Variants in BSG observed in about 807,000 individuals in gnomAD.
The protein encoded by BSG is basigin.
A neutral mutation model predicts 43.1 loss-of-function variants in BSG; 37 were observed. The ratio of observed to expected loss-of-function variants is 0.86; its 90% CI spans 0.66 to 1.13. BSG has a LOEUF of 1.13. BSG is among the 50% of genes most tolerant of loss of function. The pLI is 0.00. For missense variants in BSG, 599 were observed against 554.2 expected (o/e 1.08, Z -0.81); for synonymous variants, 309 against 238.7 (o/e 1.29, Z -2.72).
upstream of BSG, chr19:571,574 A>T: frequency 1.3e-6 from 1 of 779,592 alleles, no homozygotes; most frequent in South Asian, 1.3e-5. Flanking sequence ...CGTCTCCCCA[A>T]GAAAGGTAAC....
At chr19:578,762 T>C in intron 2 of BSG, 1 of 259,222 alleles carries the variant, frequency 3.9e-6, no homozygotes, top group Non-Finnish European at 7.7e-6. Context: ...GGAGATGGAG[T>C]CTTGCTGTTC....
chr19:572,965 C>CG (rs1981407094), intron 1 of BSG, among the ~76,000 whole-genome samples: 1 of 151,976 alleles, frequency 6.6e-6, no homozygotes, highest in Non-Finnish European at 1.5e-5. Context: ...TGTGTGTGGG[C>CG]GTGAAGCTCC....
At chr19:580,502 C>T (rs753413649) in intron 4 of BSG, 41 bp downstream of exon 4, 33 of 1,607,072 alleles carry the variant, frequency 2.1e-5, no homozygotes, top group Admixed American at 1.3e-4. Context: ...CACCGACTGT[C>T]GGGAGAAGTT....
upstream of BSG, chr19:571,673 A>T: frequency 2.7e-6 from 2 of 754,062 alleles, no homozygotes; most frequent in Non-Finnish European, 4.9e-6. Flanking sequence ...GCACTTAGAA[A>T]ATTTCTCAGC....
intron 3 of BSG, chr19:579,953 C>G: frequency 2.2e-6 from 1 of 458,056 alleles, no homozygotes; most frequent in East Asian, 4.0e-5. Flanking sequence ...GCGGGCCTCC[C>G]AGGCTCTGTG....
Position 582,884 on chromosome 19 carries a change from TAA to T in BSG, c.*145_*146del. ...TCCCATCATACACTTCCTTCTTTTTTAAAAAAGTTGGGTTTTCTCCATTCAGG... is the reference window on the plus strand; with the variant it reads ...TCCCATCATACACTTCCTTCTTTTTTAAAAGTTGGGTTTTCTCCATTCAGG... On this transcript the variant is annotated 3_prime_UTR_variant, in exon 9 of 9. Coordinates refer to ENST00000333511, the MANE Select transcript of BSG (RefSeq NM_001728.4). 2.3e-6 allele frequency: 1 copy of T among 441,250 alleles called. No homozygotes were observed. Among genetic ancestry groups the T allele is most frequent in the Non-Finnish European group, 4.0e-6 (1 of 247,178 alleles). 27.3% of individuals were successfully genotyped at this position (441,250 alleles called of 1,614,324 possible). A position where few individuals can be genotyped will look rare whatever the true frequency, so the allele number is the denominator to read the frequency against.
At position 580,735 on chromosome 19, in the gene BSG, C is replaced by T. The variant is rs905001506; in HGVS notation, c.745C>T (p.Pro249Ser). ...GGTCTGCAAGTCAGAGTCCGTGCCA[C>T]CTGTCACTGACTGGGCCTGGTACAA... ...MLVCKSESVP[P>S]VTDWAWYKIT... The change falls in exon 5 of 9, where the codon CCT becomes TCT. Residue 249 changes from proline (P) to serine (S), a missense_variant. Coordinates refer to ENST00000333511, the MANE Select transcript of BSG (RefSeq NM_001728.4). 1 of 1,612,790 alleles carries T rather than the reference C, an allele frequency of 6.2e-7. No homozygotes were observed. The highest frequency in any genetic ancestry group is 8.5e-7 in the Non-Finnish European group (1 of 1,179,968).
chr19:578,126 G>GT lies in BSG; in HGVS notation c.415+6dup, dbSNP rs781561684. 1 of 1,545,668 alleles carries GT rather than the reference G, an allele frequency of 6.5e-7. No individual in the cohort carries two copies. Among genetic ancestry groups the GT allele is most frequent in the South Asian group, 1.2e-5 (1 of 83,302 alleles). On this transcript the variant is annotated splice_donor_region_variant and intron_variant, in intron 2 of 8. Coordinates refer to ENST00000333511, the MANE Select transcript of BSG (RefSeq NM_001728.4). ...CAGTCGTGCTAGTCCTGGAACGTGA[G>GT]TGGCGGGCACCTCCCTCCCCGCCTC...
rs779715741 is a variant in BSG, at chr19:579,502, G to C, written c.418G>C (p.Gly140Arg). The change falls in exon 3 of 9, where the codon GGC becomes CGC. Residue 140 changes from glycine to arginine, a missense_variant and splice_region_variant. Gly to Arg is a moderately radical substitution (Grantham distance 125). Transcript: ENST00000333511. ...AQAVVLVLEP[G>R]TVFTTVEDLG... ...CCGCGTCTCGCCGGGCCTTGCAGCC[G>C]GCACAGTCTTCACTACCGTAGAAGA... 4.3e-6 allele frequency: 7 copies of C among 1,612,566 alleles called. No individual in the cohort carries two copies. The East Asian group carries it at 1.3e-4, about 31-fold the overall frequency.
intron 1 of BSG, among the ~76,000 whole-genome samples, 187 bp from the exon 2 acceptor site, chr19:577,587 C>T (rs1282852500): frequency 1.3e-5 from 2 of 152,204 alleles, no homozygotes; most frequent in South Asian, 2.1e-4. Flanking sequence ...TAGCAGTGGA[C>T]GGGACGCCCA....
intron 3 of BSG, 56 bp downstream of exon 3, chr19:579,712 G>T (rs184596705): frequency 2.6e-6 from 4 of 1,555,120 alleles, no homozygotes; most frequent in East Asian, 4.5e-5. Context: ...CTCTCTTGCC[G>T]CCAGCGGCCT....
At chr19:579,370 A>T in intron 2 of BSG, 130 bp from the exon 3 acceptor site, 2 of 1,291,136 alleles carry the variant, frequency 1.5e-6, no homozygotes, top group Admixed American at 1.9e-5. Context: ...TCGGGGCGTA[A>T]GGGCCACGGT....
upstream of BSG, chr19:571,683 C>T: frequency 1.3e-6 from 1 of 741,164 alleles, no homozygotes; most frequent in Admixed American, 1.9e-5. Flanking sequence ...AATTTCTCAG[C>T]GAGACCACTT....
chr19:574,505 A>T (rs1600477516), intron 1 of BSG, among the ~76,000 whole-genome samples: 1 of 152,022 alleles, frequency 6.6e-6, no homozygotes, highest in East Asian at 1.9e-4. Context: ...GTGAGCCGAG[A>T]TCGCGCCATT....
In BSG at chr19:581,394, A is replaced by ACT. The variant is rs1166771890; in HGVS notation, c.873_874insTC (p.Met292SerfsTer75). On this transcript the variant is annotated frameshift_variant, in exon 6 of 9. Transcript: ENST00000333511. LOFTEE classifies it high-confidence loss of function. ...TCAGAGCTACACATTGAGAACCTGAACATGGAGGCCGACCCCGGCCAGTAC... is the reference window on the plus strand; with the variant it reads ...TCAGAGCTACACATTGAGAACCTGAACTCATGGAGGCCGACCCCGGCCAGTAC... 1 of 1,612,686 alleles carries ACT rather than the reference A, an allele frequency of 6.2e-7. No individual in the cohort carries two copies. The highest frequency in any genetic ancestry group is 2.2e-5 in the East Asian group (1 of 44,888).
rs780460340 is a variant in BSG, at chr19:572,638, G to A, written c.4G>A (p.Ala2Thr). The A allele has an allele frequency of 1.3e-6, 2 of 1,499,972 alleles. No individual in the cohort carries two copies. The highest frequency in any genetic ancestry group is 1.3e-5 in the South Asian group (1 of 78,922). The allele number at this position is 1,499,972 out of a possible 1,614,324, so 92.9% of individuals were successfully genotyped here. The change falls in exon 1 of 9, where the codon GCG (alanine) becomes ACG (threonine). Residue 2 changes from alanine (A) to threonine (T), a missense_variant. Ala to Thr is a moderately conservative substitution (Grantham distance 58, BLOSUM62 0). Coordinates refer to ENST00000333511, the MANE Select transcript of BSG (RefSeq NM_001728.4). M[A>T]AALFVLLGFA... ...GGACCGGCGAGGAATAGGAATCATG[G>A]CGGCTGCGCTGTTCGTGCTGCTGGG...
At chr19:582,179 G>A (rs1418491466) in intron 6 of BSG, 127 bp from the exon 7 acceptor site, 12 of 1,308,952 alleles carry the variant, frequency 9.2e-6, no homozygotes, top group African/African-American at 4.5e-5. Context: ...GAGCTGCCCC[G>A]AGCCACCCCT....
Position 582,849 on chromosome 19 carries a change from C to G in BSG, c.*105C>G. On this transcript the variant is annotated 3_prime_UTR_variant, in exon 9 of 9. Coordinates refer to ENST00000333511, the MANE Select transcript of BSG (RefSeq NM_001728.4). ...GTTCTCACCTCTTAAAGAAAACCCA[C>G]CCCGTAGATTCCCATCATACACTTC... 1 of 542,088 alleles carries G rather than the reference C, an allele frequency of 1.8e-6. No individual in the cohort carries two copies. Among genetic ancestry groups the G allele is most frequent in the Non-Finnish European group, 3.3e-6 (1 of 306,558 alleles). 33.6% of individuals were successfully genotyped at this position (542,088 alleles called of 1,614,324 possible). A position where few individuals can be genotyped will look rare whatever the true frequency, so the allele number is the denominator to read the frequency against.
At chr19:574,770 T>G (rs999752745) in intron 1 of BSG, among the ~76,000 whole-genome samples, 10 of 152,188 alleles carry the variant, frequency 6.6e-5, no homozygotes, top group Admixed American at 5.9e-4. Context: ...TTCGTCTTCC[T>G]GGTAACCAAA....
Sources: gnomAD v4.1 joint callset for allele counts (sites outside exome capture counted in the v4.1 genomes callset) on GRCh38, gnomAD v4.1.1 for gene constraint, MANE v1.5 for transcripts, NCBI Gene and HGNC (gene_info 2026-07-23, HGNC 2026-07-21) for gene names.